ROR1: variants seen among roughly 807,000 people sequenced by gnomAD.
ROR1 encodes the protein inactive tyrosine-protein kinase transmembrane receptor ROR1.
In ROR1, 19 loss-of-function variants were observed where a neutral mutation model predicts 78.8. That is an observed-to-expected ratio of 0.24 (90% CI 0.17 to 0.35). The LOEUF is 0.35. Ranked by LOEUF, ROR1 falls within the 10% of genes least tolerant of loss-of-function variation. ROR1 has a pLI of 1.00. For missense variants in ROR1, 917 were observed against 1,177.8 expected, an observed-to-expected ratio of 0.78 and a Z score of 3.24; for synonymous variants, 386 against 433.6, an observed-to-expected ratio of 0.89 and a Z score of 1.36.
intron 6 of ROR1, 96 bp downstream of exon 6, chr1:64,140,522 T>C: frequency 8.7e-7 from 1 of 1,148,216 alleles, no homozygotes; most frequent in Non-Finnish European, 1.3e-6. Flanking sequence ...ATTTTCATAC[T>C]GTTAATCAAA....
chr1:63,828,865 G>A (rs912443964), intron 1 of ROR1, among the ~76,000 whole-genome samples: 7 of 152,172 alleles, frequency 4.6e-5, no homozygotes, highest in African/African-American at 1.7e-4. Flanking sequence ...GCACTTTGGA[G>A]ACCACAGACC....
chr1:63,878,765 T>C (rs1645304902), intron 1 of ROR1, among the ~76,000 whole-genome samples: 1 of 152,148 alleles, frequency 6.6e-6, no homozygotes, highest in Admixed American at 6.5e-5. Flanking sequence ...TCTCTTTTTA[T>C]AAGTACTGTG....
intron 4 of ROR1, among the ~76,000 whole-genome samples, chr1:64,099,472 A>C (rs1356249031): frequency 6.6e-6 from 1 of 152,178 alleles, no homozygotes; most frequent in Non-Finnish European, 1.5e-5. Flanking sequence ...TCATCGGAGC[A>C]TCTGAACTCA....
At chr1:64,067,521 G>T (rs972413563) in intron 4 of ROR1, among the ~76,000 whole-genome samples, 3 of 147,542 alleles carry the variant, frequency 2.0e-5, no homozygotes, top group Admixed American at 6.8e-5. Context: ...AAAAACATAG[G>T]TTCACATTCC....
Position 64,050,675 on chromosome 1 carries a change from C to G in ROR1, c.452-11C>G. The G allele has an allele frequency of 6.2e-7, 1 of 1,613,192 alleles. No individual in the cohort carries two copies. Among genetic ancestry groups the G allele is most frequent in the Non-Finnish European group, 8.5e-7 (1 of 1,179,258 alleles). ...CTGACTGTTTCTTTTGTTTTTCTTT[C>G]ATTTCTTCAGGCCCCCCTCCCACTG... On this transcript the variant is annotated splice_polypyrimidine_tract_variant and intron_variant, in intron 3 of 8. Transcript: ENST00000371079.
chr1:63,904,378 C>T (rs855829), intron 1 of ROR1, among the ~76,000 whole-genome samples: 99,622 of 152,072 alleles, frequency 0.66, 37,097 homozygotes, highest in East Asian at 0.96. Context: ...CCTTGACTCA[C>T]AGTCCCAGGC....
chr1:63,832,614 C>T (rs954632253), intron 1 of ROR1, among the ~76,000 whole-genome samples: 15 of 152,178 alleles, frequency 9.9e-5, no homozygotes, highest in Non-Finnish European at 1.9e-4. Context: ...ATTAGTACTA[C>T]TGATTTTTCA....
chr1:64,099,663 G>A (rs911771901), intron 4 of ROR1, among the ~76,000 whole-genome samples: 8 of 152,112 alleles, frequency 5.3e-5, no homozygotes, highest in African/African-American at 9.7e-5. Context: ...GTCTTTTTCC[G>A]ACAGTAAATT....
intron 4 of ROR1, among the ~76,000 whole-genome samples, chr1:64,098,337 C>T (rs2100653381): frequency 6.6e-6 from 1 of 152,238 alleles, no homozygotes; most frequent in Non-Finnish European, 1.5e-5. Flanking sequence ...CCGGGCTGTG[C>T]AGTTCAGGTA....
intron 1 of ROR1, among the ~76,000 whole-genome samples, chr1:63,944,639 T>C (rs1350822442): frequency 3.3e-5 from 5 of 152,190 alleles, no homozygotes; most frequent in Non-Finnish European, 5.9e-5. Flanking sequence ...ATGCTGAAAT[T>C]CTAATCATTT....
chr1:63,796,735 G>A (rs1644763406), intron 1 of ROR1, among the ~76,000 whole-genome samples: 1 of 152,162 alleles, frequency 6.6e-6, no homozygotes, highest in Admixed American at 6.5e-5. Context: ...TGTGTTTTGG[G>A]CCTTGACAGT....
At chr1:64,086,393 T>C (rs1230493971) in intron 4 of ROR1, among the ~76,000 whole-genome samples, 3 of 152,224 alleles carry the variant, frequency 2.0e-5, no homozygotes, top group African/African-American at 7.2e-5. Flanking sequence ...CAATAGATAG[T>C]TATTGGCCAT....
chr1:64,155,638 AG>A (rs1649748309), intron 7 of ROR1, among the ~76,000 whole-genome samples: 1 of 152,212 alleles, frequency 6.6e-6, no homozygotes, highest in Non-Finnish European at 1.5e-5. Flanking sequence ...ATAATCTGAT[AG>A]GGCATGAATA....
In ROR1 at chr1:64,140,369, C is replaced by G. The variant is rs771442565; in HGVS notation, c.871C>G (p.Pro291Ala). ...NCEDLPQPES[P>A]EAANCIRIGI... ...TGAAGATCTCCCCCAGCCAGAGAGC[C>G]CAGAAGCTGCGAACTGTATCCGGAT... Residue 291 changes from proline (P) to alanine (A), a missense_variant, in exon 6 of 9, where the codon CCA (proline) becomes GCA (alanine). This residue lies in a region of ROR1 where 835 missense variants were observed against 1,069.8 expected (regional missense o/e 0.78). Coordinates refer to ENST00000371079, the MANE Select transcript of ROR1 (RefSeq NM_005012.4). 2.6e-5 allele frequency: 42 copies of G among 1,613,228 alleles called. No individual in the cohort carries two copies. The highest frequency in any genetic ancestry group is 3.6e-5 in the Non-Finnish European group (42 of 1,179,706).
At position 63,858,213 on chromosome 1, in the gene ROR1, C is replaced by T. The variant is rs999882317; in HGVS notation, c.91+83705C>T. ...GCTTTTAGGCCCCATGTTTATTTTC[C>T]TGAAATGGTGTCTTCTTGACTTAAA... On this transcript the variant is annotated intron_variant, in intron 1 of 8. Coordinates refer to ENST00000371079, the MANE Select transcript of ROR1 (RefSeq NM_005012.4). 7.9e-5 allele frequency among the ~76,000 whole-genome samples: 12 copies of T among 152,188 alleles called. No homozygotes were observed. The East Asian group carries it at 2.3e-3, about 29-fold the overall frequency.
At chr1:64,159,646 T>C (rs1467658255) in intron 8 of ROR1, among the ~76,000 whole-genome samples, 1 of 151,820 alleles carries the variant, frequency 6.6e-6, no homozygotes, top group African/African-American at 2.4e-5. Flanking sequence ...TACTTAAAAA[T>C]GATTAAGATA....
chr1:63,924,343 A>G (rs1302090299), intron 1 of ROR1, among the ~76,000 whole-genome samples: 1 of 152,202 alleles, frequency 6.6e-6, no homozygotes, highest in Non-Finnish European at 1.5e-5. Context: ...CACTCAGCAA[A>G]TATTGATTGA....
At chr1:63,988,964 T>C (rs1646272757) in intron 1 of ROR1, among the ~76,000 whole-genome samples, 1 of 152,210 alleles carries the variant, frequency 6.6e-6, no homozygotes, top group Admixed American at 6.6e-5. Context: ...TTTGAGTCCC[T>C]ACTTTCAATT....
chr1:63,862,486 C>A (rs368216483), intron 1 of ROR1, among the ~76,000 whole-genome samples: 1 of 151,922 alleles, frequency 6.6e-6, no homozygotes, highest in Non-Finnish European at 1.5e-5. Context: ...GTCTGATCTC[C>A]GCCAAATATC....
Sources: allele counts gnomAD v4.1 joint callset (sites outside exome capture counted in the v4.1 genomes callset), GRCh38; gene constraint gnomAD v4.1.1; regional missense constraint gnomAD v4.1.1; transcripts MANE v1.5; gene names NCBI Gene and HGNC (gene_info 2026-07-23, HGNC 2026-07-21).